Variants in NDUFA10 observed in about 807,000 individuals in gnomAD.
NDUFA10 encodes NADH:ubiquinone oxidoreductase subunit A10.
NDUFA10 carries 40 observed loss-of-function variants against 47.8 expected under a neutral mutation model. The observed-to-expected ratio is 0.84, with a 90% CI of 0.65 to 1.09. NDUFA10 has a LOEUF of 1.09. NDUFA10 is among the 50% of genes least tolerant of loss of function. NDUFA10 has a pLI of 0.00. For synonymous variants in NDUFA10, 183 were observed against 172.2 expected, an observed-to-expected ratio of 1.06 and a Z score of -0.49; for missense variants, 413 against 451.1, an observed-to-expected ratio of 0.92 and a Z score of 0.76.
intron 4 of NDUFA10, chr2:239,943,143 C>T (rs1301810043): frequency 6.5e-6 from 1 of 154,176 alleles, no homozygotes; most frequent in African/African-American, 2.4e-5. Flanking sequence ...AGAGTTTCAA[C>T]TCACAGTTAT....
chr2:240,025,302 G>T lies in NDUFA10; in HGVS notation c.-1C>A. 6.6e-7 allele frequency: 1 copy of T among 1,506,040 alleles called. No homozygotes were observed. 93.3% of individuals were successfully genotyped at this position (1,506,040 alleles called of 1,614,324 possible). A position where few individuals can be genotyped will look rare whatever the true frequency, so the allele number is the denominator to read the frequency against. Reference sequence around the variant, plus strand: ...CCAGCTTCAGGAGCCGCAAGGCCATGGCTACCCGGTCAGCTCAGGATCAAG... The same window carrying T: ...CCAGCTTCAGGAGCCGCAAGGCCATTGCTACCCGGTCAGCTCAGGATCAAG... On this transcript the variant is annotated 5_prime_UTR_variant, in exon 1 of 10. Coordinates refer to ENST00000252711, the MANE Select transcript of NDUFA10 (RefSeq NM_004544.4).
At chr2:239,947,754 G>C (rs765436872) in intron 4 of NDUFA10, among the ~76,000 whole-genome samples, 14 of 152,246 alleles carry the variant, frequency 9.2e-5, no homozygotes, top group Non-Finnish European at 1.8e-4. Context: ...CTTGTTGCCA[G>C]ATGGCAAGAG....
chr2:239,904,966 C>CTCT (rs1419436485), intron 4 of NDUFA10, among the ~76,000 whole-genome samples: 1 of 152,220 alleles, frequency 6.6e-6, no homozygotes, highest in Non-Finnish European at 1.5e-5. Flanking sequence ...GCTCTTCCGC[C>CTCT]TCTTATATAG....
At chr2:239,955,393 G>A (rs1000756436), downstream of NDUFA10, among the ~76,000 whole-genome samples, 6 of 152,172 alleles carry the variant, frequency 3.9e-5, no homozygotes, top group East Asian at 3.9e-4. Flanking sequence ...TTAGACAGCC[G>A]TCCTATGGTC....
chr2:239,968,148 C>T (rs866393781), intron 9 of NDUFA10, among the ~76,000 whole-genome samples: 1 of 152,086 alleles, frequency 6.6e-6, no homozygotes, highest in African/African-American at 2.4e-5. Flanking sequence ...GGGAGAAGCC[C>T]AAAGTAGAAG....
chr2:239,985,803 C>T (rs901631163), intron 9 of NDUFA10, among the ~76,000 whole-genome samples: 1 of 150,556 alleles, frequency 6.6e-6, no homozygotes, highest in Admixed American at 6.7e-5. Context: ...CCCAACTACT[C>T]GGGAGGCTGA....
At chr2:239,915,242 C>T (rs1161524276) in intron 4 of NDUFA10, among the ~76,000 whole-genome samples, 1 of 87,816 alleles carries the variant, frequency 1.1e-5, no homozygotes, top group Admixed American at 1.3e-4. Flanking sequence ...GATACACAAA[C>T]ATACACACAC....
chr2:239,947,383 T>C (rs555975287), intron 4 of NDUFA10, among the ~76,000 whole-genome samples: 2 of 152,210 alleles, frequency 1.3e-5, no homozygotes, highest in Non-Finnish European at 2.9e-5. Context: ...GTGACTGTCC[T>C]GTGTGCCTGC....
At chr2:239,926,398 C>A (rs1694066555) in intron 4 of NDUFA10, among the ~76,000 whole-genome samples, 1 of 152,142 alleles carries the variant, frequency 6.6e-6, no homozygotes, top group Admixed American at 6.5e-5. Context: ...CTGAAGAAAT[C>A]CTATCCCCTA....
At chr2:240,010,609 A>G (rs1163105653) in intron 6 of NDUFA10, among the ~76,000 whole-genome samples, 3 of 152,112 alleles carry the variant, frequency 2.0e-5, no homozygotes, top group African/African-American at 7.2e-5. Context: ...AGGAAGCCAG[A>G]GGCCACCCAG....
exon 5 of NDUFA10, chr2:239,895,232 C>T (rs1030636642): frequency 2.1e-6 from 1 of 467,640 alleles, no homozygotes; most frequent in Non-Finnish European, 4.4e-6. Context: ...GGAGTCTTCT[C>T]CACACACAGA....
At chr2:239,892,943 G>A (rs1349667428) in intron 5 of NDUFA10, among the ~76,000 whole-genome samples, 1 of 152,222 alleles carries the variant, frequency 6.6e-6, no homozygotes, top group Non-Finnish European at 1.5e-5. Context: ...CAGCAACGGT[G>A]AGGCTGTTAG....
At chr2:239,918,036 AG>A (rs1427035284) in intron 4 of NDUFA10, among the ~76,000 whole-genome samples, 1 of 152,124 alleles carries the variant, frequency 6.6e-6, no homozygotes, top group Non-Finnish European at 1.5e-5. Flanking sequence ...TGGGGAGAGG[AG>A]GCCTGGGCTG....
chr2:240,014,354 T>C (rs890649001), intron 5 of NDUFA10: 5 of 329,290 alleles, frequency 1.5e-5, no homozygotes, highest in African/African-American at 8.6e-5. Flanking sequence ...TGAGGGATAT[T>C]AGAAATTGCT....
chr2:239,910,353 G>A (rs1693728729), intron 4 of NDUFA10, among the ~76,000 whole-genome samples: 1 of 152,118 alleles, frequency 6.6e-6, no homozygotes, highest in Non-Finnish European at 1.5e-5. Flanking sequence ...AAGAAAATGT[G>A]GCACATATAC....
intron 3 of NDUFA10, among the ~76,000 whole-genome samples, chr2:240,020,801 T>C (rs1408399892): frequency 1.3e-5 from 2 of 152,218 alleles, no homozygotes; most frequent in Non-Finnish European, 2.9e-5. Flanking sequence ...GACAACCCTA[T>C]GTTGTTGGCA....
intron 4 of NDUFA10, among the ~76,000 whole-genome samples, chr2:239,944,839 T>C (rs1324180732): frequency 5.3e-5 from 8 of 152,090 alleles, no homozygotes; most frequent in Non-Finnish European, 7.4e-5. Flanking sequence ...ATAGTAACTT[T>C]GGAGGAAACT....
At chr2:239,965,673 C>A (rs915862164) in intron 9 of NDUFA10, among the ~76,000 whole-genome samples, 2 of 152,226 alleles carry the variant, frequency 1.3e-5, no homozygotes, top group African/African-American at 4.8e-5. Flanking sequence ...CTCAGGTGAA[C>A]TATCAAGGCC....
rs148169549 is a variant in NDUFA10 at position 239,962,877 on chromosome 2, G to A, written c.1000-1691C>T. 1.6e-4 allele frequency among the ~76,000 whole-genome samples: 24 copies of A among 152,230 alleles called. No homozygotes were observed. In the East Asian group the frequency reaches 3.9e-3, roughly 25 times the overall value. ...ATACTTTAAAATGAGAGGTCGACGC[G>A]CACTCTGTGAGAACATACTAATTAC... On this transcript the variant is annotated intron_variant, in intron 9 of 9. Transcript: ENST00000252711.
Sources: gnomAD v4.1 joint callset for allele counts (sites outside exome capture counted in the v4.1 genomes callset) on GRCh38, gnomAD v4.1.1 for gene constraint, MANE v1.5 for transcripts, NCBI Gene and HGNC (gene_info 2026-07-23, HGNC 2026-07-21) for gene names.